The following TRIO variants were observed in gnomAD, a reference collection of about 807,000 sequenced individuals.
TRIO encodes triple functional domain protein.
In TRIO, 58 loss-of-function variants were observed where a neutral mutation model predicts 351.9. The ratio of observed to expected loss-of-function variants is 0.16; its 90% CI spans 0.13 to 0.21. The LOEUF (loss-of-function observed/expected upper bound fraction) is 0.21. TRIO is among the 10% of genes least tolerant of loss of function. TRIO has a pLI of 1.00. For missense variants in TRIO, 3,201 were observed against 4,027.8 expected, an observed-to-expected ratio of 0.79 and a Z score of 5.56; for synonymous variants, 1,758 against 1,595.7, an observed-to-expected ratio of 1.10 and a Z score of -2.42.
intron 1 of TRIO, among the ~76,000 whole-genome samples, chr5:14,164,066 T>A (rs1788626964): frequency 6.6e-6 from 1 of 152,170 alleles, no homozygotes; most frequent in Non-Finnish European, 1.5e-5. Context: ...CTAATGGGGG[T>A]TTCTGATGCC....
intron 1 of TRIO, among the ~76,000 whole-genome samples, chr5:14,174,149 G>C (rs1387176889): frequency 6.6e-6 from 1 of 152,252 alleles, no homozygotes; most frequent in East Asian, 1.9e-4. Flanking sequence ...TTCCACCCGT[G>C]TGGCTGTAAC....
chr5:14,497,833 T>C lies in TRIO; in HGVS notation c.8020-14T>C. 1 of 1,614,240 alleles carries C rather than the reference T, an allele frequency of 6.2e-7. No individual in the cohort carries two copies. Among genetic ancestry groups the C allele is most frequent in the Non-Finnish European group, 8.5e-7 (1 of 1,180,038 alleles). ...CTCATTTCAGTTAATGCTTGTTTGC[T>C]GTTTCCATTTCAGCTTCTCAATCCC... is the stretch of plus-strand genomic sequence containing the variant. On this transcript the variant is annotated splice_polypyrimidine_tract_variant and intron_variant, in intron 50 of 56. Coordinates refer to ENST00000344204, the MANE Select transcript of TRIO (RefSeq NM_007118.4). The surrounding 1 kb of genome is among the most constrained non-coding windows in gnomAD (Gnocchi z 4.4).
At chr5:14,344,716 C>T (rs368500831) in intron 11 of TRIO, among the ~76,000 whole-genome samples, 1 of 152,166 alleles carries the variant, frequency 6.6e-6, no homozygotes, top group African/African-American at 2.4e-5. Flanking sequence ...CCTCATTAAT[C>T]TTTGAACAAC....
chr5:14,452,461 A>C (rs1391819204), intron 34 of TRIO, among the ~76,000 whole-genome samples: 1 of 152,254 alleles, frequency 6.6e-6, no homozygotes, highest in Non-Finnish European at 1.5e-5. Context: ...TCATTGACTC[A>C]TAAGAACCCA....
rs1228896310 is a variant in TRIO, at chr5:14,328,870, C to CCCCACACCT, written c.1732-1900_1732-1892dup. Among the ~76,000 whole-genome samples, 3 of 152,194 alleles carry CCCCACACCT rather than the reference C, an allele frequency of 2.0e-5. No individual in the cohort carries two copies. The South Asian group carries it at 6.2e-4, about 32-fold the overall frequency. On this transcript the variant is annotated intron_variant, in intron 9 of 56. Coordinates refer to ENST00000344204, the MANE Select transcript of TRIO (RefSeq NM_007118.4). ...AGACCAGGCTCGGCCTCCACCCCCA[C>CCCCACACCT]CCCACACCTCCCACACGTCTGATTT...
At position 14,487,935 on chromosome 5, in the gene TRIO, A is replaced by ACG. The variant is rs1437463662; in HGVS notation, c.7315_7316dup (p.Ser2440LeufsTer19). ...TCGAGCCCAGACGCCCCCGCCAAGG[A>ACG]CGCGCGCGCTAGCCTGGGCACCCTG... On this transcript the variant is annotated frameshift_variant, in exon 48 of 57. Transcript: ENST00000344204. LOFTEE classifies it high-confidence loss of function. 2 of 1,542,500 alleles carry ACG rather than the reference A, an allele frequency of 1.3e-6. No homozygotes were observed. Among genetic ancestry groups the ACG allele is most frequent in the Admixed American group, 2.0e-5 (1 of 49,624 alleles).
At chr5:14,506,152 G>A (rs143222793) in intron 55 of TRIO, among the ~76,000 whole-genome samples, 5 of 152,292 alleles carry the variant, frequency 3.3e-5, no homozygotes, top group African/African-American at 1.2e-4. Flanking sequence ...CCTTCCCTGG[G>A]GAGTTTTAAC....
chr5:14,240,729 T>G (rs1794078018), intron 1 of TRIO, among the ~76,000 whole-genome samples: 3 of 152,190 alleles, frequency 2.0e-5, no homozygotes, highest in African/African-American at 7.2e-5. Context: ...CTACTTACAT[T>G]TCACTGAAGG....
chr5:14,382,323 TCTGTTA>T (rs996221924), intron 21 of TRIO, among the ~76,000 whole-genome samples: 7 of 152,358 alleles, frequency 4.6e-5, no homozygotes, highest in African/African-American at 7.2e-5. Context: ...GTTTATGTTT[TCTGTTA>T]CTGTTACTGA....
chr5:14,206,610 A>C (rs911717720), intron 1 of TRIO, among the ~76,000 whole-genome samples: 4 of 152,176 alleles, frequency 2.6e-5, no homozygotes, highest in South Asian at 2.1e-4. Flanking sequence ...CTAACCTGAC[A>C]GTTGCTGCCT....
rs1737293914 is a variant in TRIO, at chr5:14,295,615, GC to G, written c.1177-1456del. Among the ~76,000 whole-genome samples, 6 of 152,216 alleles carry G rather than the reference GC, an allele frequency of 3.9e-5. No homozygotes were observed. The South Asian group carries it at 1.2e-3, about 32-fold the overall frequency. On this transcript the variant is annotated intron_variant, in intron 6 of 56. Transcript: ENST00000344204. ...TTTTCCTAACAGACCTGTCGGACTGGCTTTTTCTCTTTTAAGGATATAGAGA... is the reference window on the plus strand; with the variant it reads ...TTTTCCTAACAGACCTGTCGGACTGGTTTTTCTCTTTTAAGGATATAGAGA...
At chr5:14,327,835 C>G (rs1740522394) in intron 9 of TRIO, among the ~76,000 whole-genome samples, 1 of 152,202 alleles carries the variant, frequency 6.6e-6, no homozygotes, top group South Asian at 2.1e-4. Flanking sequence ...TTAAATGTAT[C>G]CATTCTCAAG....
intron 1 of TRIO, among the ~76,000 whole-genome samples, chr5:14,164,983 T>C (rs2152122084): frequency 6.6e-6 from 1 of 152,274 alleles, no homozygotes; most frequent in South Asian, 2.1e-4. Flanking sequence ...CAGGTGGTCC[T>C]TGGGTGCACA....
At chr5:14,340,251 G>A (rs1003383402) in intron 11 of TRIO, among the ~76,000 whole-genome samples, 1 of 152,050 alleles carries the variant, frequency 6.6e-6, no homozygotes, top group African/African-American at 2.4e-5. Flanking sequence ...AAAAAAATTA[G>A]CCAGGCGTGG....
chr5:14,305,030 T>C (rs987167578), intron 8 of TRIO, among the ~76,000 whole-genome samples: 6 of 152,268 alleles, frequency 3.9e-5, no homozygotes, highest in African/African-American at 1.2e-4. Context: ...CTTTAGGGTG[T>C]ATTACATTAT....
chr5:14,374,450 A>G (rs970586811), intron 19 of TRIO, 107 bp downstream of exon 19: 4 of 707,978 alleles, frequency 5.6e-6, no homozygotes, highest in Admixed American at 3.2e-5. Context: ...TTCATTTTAA[A>G]TGTCCGTTTC....
intron 1 of TRIO, among the ~76,000 whole-genome samples, chr5:14,145,664 T>C (rs1431837818): frequency 6.6e-6 from 1 of 152,192 alleles, no homozygotes; most frequent in African/African-American, 2.4e-5. Flanking sequence ...AGCTCCTCTC[T>C]GTTAGAAAGG....
In TRIO at chr5:14,405,702, A is replaced by G. The variant is rs948339526; in HGVS notation, c.4717-146A>G. The G allele has an allele frequency of 1.4e-4, 121 of 877,734 alleles. 1 individual carries two copies. The highest frequency in any genetic ancestry group is 1.9e-4 in the Non-Finnish European group (111 of 587,546). The allele number at this position is 877,734 out of a possible 1,614,324, so 54.4% of individuals were successfully genotyped here. On this transcript the variant is annotated intron_variant, in intron 31 of 56. Coordinates refer to ENST00000344204, the MANE Select transcript of TRIO (RefSeq NM_007118.4). ...TTTAAATAGTCATTTATTTGGTAGC[A>G]TATTAAACGTCGGATGTGGTTGCTT...
intron 1 of TRIO, among the ~76,000 whole-genome samples, chr5:14,172,085 T>C (rs1789130377): frequency 6.6e-6 from 1 of 152,226 alleles, no homozygotes; most frequent in Non-Finnish European, 1.5e-5. Flanking sequence ...CAATCTGTTC[T>C]CTCTCTTTCT....
Sources: gnomAD v4.1 joint callset for allele counts (sites outside exome capture counted in the v4.1 genomes callset) on GRCh38, gnomAD v4.1.1 for gene constraint, Gnocchi (gnomAD v3.1) non-coding constraint, MANE v1.5 for transcripts, NCBI Gene and HGNC (gene_info 2026-07-23, HGNC 2026-07-21) for gene names.